RBM7: variants seen among roughly 807,000 people sequenced by gnomAD.
RBM7 encodes the protein RNA binding motif protein 7, also known as RNA-binding protein 7.
Under a neutral mutation model 31.0 loss-of-function variants are expected in RBM7, and 13 were observed. The ratio of observed to expected loss-of-function variants is 0.42; its 90% CI spans 0.27 to 0.67. RBM7 has a LOEUF of 0.67. RBM7 is among the 30% of genes least tolerant of loss of function. The pLI is 0.24. For missense variants in RBM7, 245 were observed against 326.2 expected (o/e 0.75, Z 1.92); for synonymous variants, 106 against 111.2 (o/e 0.95, Z 0.30).
rs1946318211 is a variant in RBM7, at chr11:114,410,127, T to C, written c.*2320T>C. 1.3e-5 allele frequency: 2 copies of C among 152,070 alleles called. No homozygotes were observed. The highest frequency in any genetic ancestry group is 2.9e-5 in the Non-Finnish European group (2 of 68,028). The allele number at this position is 152,070 out of a possible 1,614,324, so 9.4% of individuals were successfully genotyped here. A position where few individuals can be genotyped will look rare whatever the true frequency, so the allele number is the denominator to read the frequency against. On this transcript the variant is annotated 3_prime_UTR_variant, in exon 5 of 5. Coordinates refer to ENST00000375490, the MANE Select transcript of RBM7 (RefSeq NM_001286045.2). The stretch of plus-strand genomic sequence containing the variant: ...CAGATTTGGGATGCTTCATCTATAT[T>C]GACAGCTGCAAGAACAGAAAGGAAG...
chr11:114,404,885 ATAATT>A (rs1729498481), intron 3 of RBM7, among the ~76,000 whole-genome samples: 1 of 152,252 alleles, frequency 6.6e-6, no homozygotes, highest in African/African-American at 2.4e-5. Context: ...ACATTTAAAA[ATAATT>A]TAAAACATTT....
chr11:114,407,159 T>C, intron 4 of RBM7: 1 of 266,784 alleles, frequency 3.7e-6, no homozygotes, highest in African/African-American at 2.2e-5. Context: ...CCTTTCCTAA[T>C]GATACTGATC....
chr11:114,407,403 A>G, intron 4 of RBM7, 42 bp from the exon 5 acceptor site: 1 of 1,553,774 alleles, frequency 6.4e-7, no homozygotes, highest in Non-Finnish European at 8.7e-7. Flanking sequence ...ATTAGCTTTG[A>G]TATCTAGAAG....
chr11:114,405,118 G>T (rs900102241), intron 3 of RBM7, among the ~76,000 whole-genome samples: 1 of 152,022 alleles, frequency 6.6e-6, no homozygotes, highest in Non-Finnish European at 1.5e-5. Flanking sequence ...ATATCCAGTC[G>T]ATCAAATTCT....
In RBM7 at chr11:114,409,839, A is replaced by G. The variant is rs1946315027; in HGVS notation, c.*2032A>G. On this transcript the variant is annotated 3_prime_UTR_variant, in exon 5 of 5. Coordinates refer to ENST00000375490, the MANE Select transcript of RBM7 (RefSeq NM_001286045.2). ...CAGTGAGCTGAAAGTAACCAAACTA[A>G]ATACATGTATTGTGTAAAGGGACAG... 1 of 152,198 alleles carries G rather than the reference A, an allele frequency of 6.6e-6. No homozygotes were observed. The highest frequency in any genetic ancestry group is 2.4e-5 in the African/African-American group (1 of 41,460). The allele number at this position is 152,198 out of a possible 1,614,324, so 9.4% of individuals were successfully genotyped here.
At position 114,409,286 on chromosome 11, in the gene RBM7, A is replaced by G. The variant is rs1035292880; in HGVS notation, c.*1479A>G. ...AGCATTTTCACAGAATTTGTTTCCA[A>G]TGAGATTATTATTTTTGGGTATCTT... On this transcript the variant is annotated 3_prime_UTR_variant, in exon 5 of 5. Transcript: ENST00000375490. The G allele has an allele frequency of 6.6e-6, 1 of 152,186 alleles. No individual in the cohort carries two copies. The highest frequency in any genetic ancestry group is 2.4e-5 in the African/African-American group (1 of 41,460). 9.4% of individuals were successfully genotyped at this position (152,186 alleles called of 1,614,324 possible).
In RBM7 at chr11:114,402,844, A is replaced by G. The variant is rs2135350778; in HGVS notation, c.276A>G (p.Pro92=). ...IQFRSGSSHA[P]QDVSLSYPQH... is the part of the protein sequence containing the mutation. ...TCATTTTAGGAAGTAGTCATGCCCC[A>G]CAAGATGTCAGTTTGTCATATCCCC... Residue 92 remains proline, a synonymous_variant, in exon 3 of 5, where the codon CCA becomes CCG. Coordinates refer to ENST00000375490, the MANE Select transcript of RBM7 (RefSeq NM_001286045.2). 2.5e-6 allele frequency: 4 copies of G among 1,612,960 alleles called. No homozygotes were observed. The highest frequency in any genetic ancestry group is 3.4e-6 in the Non-Finnish European group (4 of 1,178,992).
Position 114,402,864 on chromosome 11 carries a change from A to G in RBM7, c.296A>G (p.Tyr99Cys). The change falls in exon 3 of 5, where the codon TAT becomes TGT. Residue 99 changes from tyrosine (Y) to cysteine (C), a missense_variant. Transcript: ENST00000375490. ...SHAPQDVSLS[Y>C]PQHHVGNSSP... ...GCCCCACAAGATGTCAGTTTGTCAT[A>G]TCCCCAACATCATGTTGGAAATTCA... 1 of 1,613,340 alleles carries G rather than the reference A, an allele frequency of 6.2e-7. No homozygotes were observed. Among genetic ancestry groups the G allele is most frequent in the Non-Finnish European group, 8.5e-7 (1 of 1,179,376 alleles).
rs1441707025 is a variant in RBM7 at position 114,402,929 on chromosome 11, C to T, written c.347+14C>T. The T allele has an allele frequency of 1.3e-6, 2 of 1,580,092 alleles. No individual in the cohort carries two copies. Among genetic ancestry groups the T allele is most frequent in the Admixed American group, 3.3e-5 (2 of 59,980 alleles). Reference sequence around the variant, plus strand: ...ATCTCCTAGCAGGTAATATTTCTCACTTATTGTTAAGATCATTTATCAGGA... The same window carrying T: ...ATCTCCTAGCAGGTAATATTTCTCATTTATTGTTAAGATCATTTATCAGGA... On this transcript the variant is annotated intron_variant, in intron 3 of 4. Coordinates refer to ENST00000375490, the MANE Select transcript of RBM7 (RefSeq NM_001286045.2).
intron 3 of RBM7, among the ~76,000 whole-genome samples, chr11:114,403,582 A>C (rs1319403169): frequency 1.3e-5 from 2 of 152,240 alleles, no homozygotes; most frequent in Non-Finnish European, 2.9e-5. Context: ...CGGTATATCC[A>C]TAAAGCTATT....
rs983891090 is a variant in RBM7 at position 114,401,964 on chromosome 11, G to A, written c.259+104G>A. ...TTTGTAGATGAAACTTCTTTCTTAA[G>A]CATTGTGAATAGTAAACTTTATATA... is the stretch of plus-strand genomic sequence containing the variant. On this transcript the variant is annotated intron_variant, in intron 2 of 4. Coordinates refer to ENST00000375490, the MANE Select transcript of RBM7 (RefSeq NM_001286045.2). 6.5e-5 allele frequency: 80 copies of A among 1,234,506 alleles called. 1 individual carries two copies. Among genetic ancestry groups the A allele is most frequent in the Non-Finnish European group, 7.9e-5 (71 of 898,282 alleles). 76.5% of individuals were successfully genotyped at this position (1,234,506 alleles called of 1,614,324 possible).
intron 2 of RBM7, chr11:114,402,166 C>T (rs1224474655): frequency 3.5e-4 from 83 of 237,484 alleles, no homozygotes; most frequent in Non-Finnish European, 8.8e-5. Context: ...GAAAATACTT[C>T]TCCTGGCTGC....
rs778787567 is a variant in RBM7, at chr11:114,400,728, G to A, written c.57G>A (p.Thr19=). ...DRTLFVGNLE[T]KVTEELLFEL... ...CTCTCTTTGTGGGCAACCTTGAAAC[G>A]AAAGTGACCGAGGAGCTCCTTTTCG... Residue 19 remains threonine (T), a synonymous_variant, in exon 1 of 5, where the codon ACG becomes ACA. Coordinates refer to ENST00000375490, the MANE Select transcript of RBM7 (RefSeq NM_001286045.2). 6 of 1,614,248 alleles carry A rather than the reference G, an allele frequency of 3.7e-6. No individual in the cohort carries two copies. Among genetic ancestry groups the A allele is most frequent in the Non-Finnish European group, 5.1e-6 (6 of 1,180,048 alleles).
chr11:114,402,405 TTTTTTTTTTTTTTTTTG>T (rs1425464758), intron 2 of RBM7, among the ~76,000 whole-genome samples: 25 of 107,098 alleles, frequency 2.3e-4, no homozygotes, highest in African/African-American at 8.5e-4. Context: ...TTTTTTTTTT[TTTTTTTTTTTTTTTTTG>T]AGATGGAGTC....
rs7929949 is a variant in RBM7 at position 114,403,771 on chromosome 11, A to G, written c.347+856A>G. Among the ~76,000 whole-genome samples the G allele has an allele frequency of 8.8e-3, 1,345 of 152,352 alleles. 27 individuals are homozygous for G. The highest frequency in any genetic ancestry group is 0.031 in the African/African-American group (1,291 of 41,576). On this transcript the variant is annotated intron_variant, in intron 3 of 4. Coordinates refer to ENST00000375490, the MANE Select transcript of RBM7 (RefSeq NM_001286045.2). ...AATGGAGGTTAACTTGCTCAGGTTCAGTGGGCTGGGATTCAAACCCAGGCA... is the reference window on the plus strand; with the variant it reads ...AATGGAGGTTAACTTGCTCAGGTTCGGTGGGCTGGGATTCAAACCCAGGCA...
intron 2 of RBM7, 63 bp from the exon 3 acceptor site, chr11:114,402,765 G>C: frequency 7.3e-7 from 1 of 1,368,322 alleles, no homozygotes; most frequent in Non-Finnish European, 1.0e-6. Flanking sequence ...TTTCAAGTGG[G>C]GAAGACAAAA....
intron 2 of RBM7, chr11:114,402,202 G>T: frequency 5.0e-6 from 1 of 201,532 alleles, no homozygotes; most frequent in Non-Finnish European, 9.9e-6. Flanking sequence ...ATATATTTTG[G>T]TTCTTGATCA....
intron 3 of RBM7, among the ~76,000 whole-genome samples, chr11:114,404,269 A>T (rs1245186571): frequency 6.6e-6 from 1 of 152,176 alleles, no homozygotes; most frequent in Non-Finnish European, 1.5e-5. Flanking sequence ...GTTGGAAGCT[A>T]TTGATGGATG....
Position 114,407,930 on chromosome 11 carries a change from A to T in RBM7, c.*123A>T, listed in dbSNP as rs563511786. On this transcript the variant is annotated 3_prime_UTR_variant, in exon 5 of 5. Transcript: ENST00000375490. ...TACAAGTTGTCACATTTCTTTATAA[A>T]TTTTTTTAAAGCTACAGTTTAATAC... The T allele has an allele frequency of 1.3e-4, 159 of 1,198,728 alleles. 1 individual carries two copies. The South Asian group carries it at 2.1e-3, about 16-fold the overall frequency. The allele number at this position is 1,198,728 out of a possible 1,614,324, so 74.3% of individuals were successfully genotyped here.
Sources: allele counts gnomAD v4.1 joint callset (sites outside exome capture counted in the v4.1 genomes callset), GRCh38; gene constraint gnomAD v4.1.1; transcripts MANE v1.5; gene names NCBI Gene and HGNC (gene_info 2026-07-23, HGNC 2026-07-21).